Variants in GPC5 observed in about 807,000 individuals in gnomAD.
The protein encoded by GPC5 is glypican-5.
In GPC5, 47 loss-of-function variants were observed where a neutral mutation model predicts 53.9. The ratio of observed to expected loss-of-function variants is 0.87; its 90% CI spans 0.69 to 1.11. The LOEUF (loss-of-function observed/expected upper bound fraction) is 1.11. Ranked by LOEUF, GPC5 falls within the 50% of genes most tolerant of loss-of-function variation. The probability of loss-of-function intolerance (pLI) is 0.00; values close to 1 mark genes in which losing one functional copy is unlikely to be tolerated. For synonymous variants in GPC5, 286 were observed against 263.3 expected, an observed-to-expected ratio of 1.09 and a Z score of -0.84; for missense variants, 748 against 713.1, an observed-to-expected ratio of 1.05 and a Z score of -0.56.
intron 7 of GPC5, among the ~76,000 whole-genome samples, chr13:92,486,593 C>G (rs1236187362): frequency 2.0e-5 from 3 of 152,054 alleles, no homozygotes; most frequent in African/African-American, 7.2e-5. Context: ...CTCATATCAA[C>G]TTTAAATTTG....
intron 7 of GPC5, among the ~76,000 whole-genome samples, chr13:92,189,035 G>A (rs2042203987): frequency 6.6e-6 from 1 of 152,078 alleles, no homozygotes; most frequent in African/African-American, 2.4e-5. Flanking sequence ...ATAACCTGAT[G>A]GATAATTGAT....
At chr13:91,571,208 T>C (rs939608861) in intron 2 of GPC5, among the ~76,000 whole-genome samples, 2 of 152,166 alleles carry the variant, frequency 1.3e-5, no homozygotes, top group African/African-American at 2.4e-5. Flanking sequence ...ATAATTTGTA[T>C]GCAAGTATAA....
Position 91,946,105 on chromosome 13 carries a change from T to C in GPC5, c.1401+38048T>C, listed in dbSNP as rs145241359. 1.1e-4 allele frequency among the ~76,000 whole-genome samples: 16 copies of C among 152,270 alleles called. No homozygotes were observed. The East Asian group carries it at 3.1e-3, about 29-fold the overall frequency. ...TAACCCCACTAGGACTCCTACCTTC[T>C]GTTTTTTATGCTATTTATGTCTGAT... On this transcript the variant is annotated intron_variant, in intron 6 of 7. Transcript: ENST00000377067.
chr13:92,763,720 G>A (rs946645947), intron 7 of GPC5, among the ~76,000 whole-genome samples: 29 of 152,218 alleles, frequency 1.9e-4, no homozygotes, highest in African/African-American at 5.5e-4. Flanking sequence ...AGCCAAGGAC[G>A]GTGATTCTGA....
chr13:92,351,229 C>T (rs1032857065), intron 7 of GPC5, among the ~76,000 whole-genome samples: 16 of 151,444 alleles, frequency 1.1e-4, no homozygotes, highest in Admixed American at 2.6e-4. Flanking sequence ...AAATAACAAA[C>T]GTACAAATGA....
At chr13:91,740,661 G>A (rs577624624) in intron 4 of GPC5, among the ~76,000 whole-genome samples, 9 of 152,296 alleles carry the variant, frequency 5.9e-5, no homozygotes, top group African/African-American at 2.2e-4. Flanking sequence ...GTTGAGCAAA[G>A]TAAGGAAGAG....
intron 2 of GPC5, among the ~76,000 whole-genome samples, chr13:91,559,916 G>C (rs1196364873): frequency 6.6e-6 from 1 of 152,090 alleles, no homozygotes; most frequent in Non-Finnish European, 1.5e-5. Context: ...TAATGTGCAA[G>C]ACTTTGCTAT....
chr13:92,422,488 T>TCA (rs6145177), intron 7 of GPC5, among the ~76,000 whole-genome samples: 24,351 of 132,716 alleles, frequency 0.18, 2,000 homozygotes, highest in East Asian at 0.22. Flanking sequence ...CATCACCATC[T>TCA]CACACACACA....
intron 2 of GPC5, among the ~76,000 whole-genome samples, chr13:91,636,560 T>C (rs1452318431): frequency 2.0e-5 from 3 of 152,124 alleles, no homozygotes; most frequent in Non-Finnish European, 2.9e-5. Context: ...GGATATACCA[T>C]GGATAAATAA....
intron 7 of GPC5, among the ~76,000 whole-genome samples, chr13:92,765,098 G>A (rs1875342838): frequency 6.6e-6 from 1 of 152,124 alleles, no homozygotes; most frequent in African/African-American, 2.4e-5. Context: ...ATGACTTTAT[G>A]AGAATGAGAT....
At chr13:92,242,817 T>C (rs1210596429) in intron 7 of GPC5, among the ~76,000 whole-genome samples, 1 of 152,120 alleles carries the variant, frequency 6.6e-6, no homozygotes, top group Non-Finnish European at 1.5e-5. Flanking sequence ...AGAGTTACGG[T>C]CTTTATATGA....
At chr13:92,023,457 A>G (rs1450395986) in intron 6 of GPC5, among the ~76,000 whole-genome samples, 1 of 152,106 alleles carries the variant, frequency 6.6e-6, no homozygotes, top group African/African-American at 2.4e-5. Flanking sequence ...ATTAAGGAAT[A>G]TCATGGTTCA....
intron 6 of GPC5, among the ~76,000 whole-genome samples, chr13:91,961,291 T>C (rs1282426130): frequency 6.6e-6 from 1 of 151,958 alleles, no homozygotes; most frequent in Non-Finnish European, 1.5e-5. Context: ...ACCTTGTATA[T>C]ATATATACAA....
At position 92,786,106 on chromosome 13, in the gene GPC5, G is replaced by T. The variant is rs190010996; in HGVS notation, c.1562-80176G>T. 1.5e-3 allele frequency among the ~76,000 whole-genome samples: 220 copies of T among 148,866 alleles called. 1 individual carries two copies. Among genetic ancestry groups the T allele is most frequent in the Non-Finnish European group, 1.9e-3 (128 of 66,906 alleles). ...AAGTGTAGAGCTCATCTCAAATGTCGATTAATTTGGCCAGTTTACCTATAA... is the reference window on the plus strand; with the variant it reads ...AAGTGTAGAGCTCATCTCAAATGTCTATTAATTTGGCCAGTTTACCTATAA... On this transcript the variant is annotated intron_variant, in intron 7 of 7. Coordinates refer to ENST00000377067, the MANE Select transcript of GPC5 (RefSeq NM_004466.6).
At chr13:92,827,569 C>G (rs1877895594) in intron 7 of GPC5, among the ~76,000 whole-genome samples, 1 of 152,150 alleles carries the variant, frequency 6.6e-6, no homozygotes. Context: ...AGGAATTTCT[C>G]TGGCTCCATT....
At chr13:91,716,430 A>T (rs1416770425) in intron 3 of GPC5, among the ~76,000 whole-genome samples, 7 of 152,234 alleles carry the variant, frequency 4.6e-5, no homozygotes, top group African/African-American at 1.7e-4. Context: ...GATACTGTGA[A>T]TATTTAAATG....
At chr13:91,455,469 C>T (rs903894448) in intron 2 of GPC5, among the ~76,000 whole-genome samples, 8 of 152,104 alleles carry the variant, frequency 5.3e-5, no homozygotes, top group African/African-American at 1.9e-4. Flanking sequence ...CTGCATATCA[C>T]TTCACATGCA....
intron 1 of GPC5, among the ~76,000 whole-genome samples, chr13:91,422,733 C>G (rs548567565): frequency 1.3e-5 from 2 of 152,126 alleles, no homozygotes. Context: ...CTGGTGGGGA[C>G]TCTGCAGAGT....
intron 2 of GPC5, among the ~76,000 whole-genome samples, chr13:91,567,126 A>G (rs1308566686): frequency 6.6e-6 from 1 of 152,136 alleles, no homozygotes; most frequent in African/African-American, 2.4e-5. Flanking sequence ...GCCTTGTCCC[A>G]TAAGCATGTG....
Sources: gnomAD v4.1 joint callset for allele counts (sites outside exome capture counted in the v4.1 genomes callset) on GRCh38, gnomAD v4.1.1 for gene constraint, MANE v1.5 for transcripts, NCBI Gene and HGNC (gene_info 2026-07-23, HGNC 2026-07-21) for gene names.